The following METTL9 variants were observed in gnomAD, a reference collection of about 807,000 sequenced individuals.
The protein encoded by METTL9 is protein-L-histidine N-pros-methyltransferase.
Under a neutral mutation model 36.0 loss-of-function variants are expected in METTL9, and 10 were observed. The observed-to-expected ratio is 0.28, with a 90% CI of 0.17 to 0.47. The LOEUF (loss-of-function observed/expected upper bound fraction) is 0.47. METTL9 is among the 20% of genes least tolerant of loss of function. METTL9 has a pLI of 0.99. For synonymous variants in METTL9, 175 were observed against 149.7 expected (o/e 1.17, Z -1.23); for missense variants, 246 against 383.5 (o/e 0.64, Z 3.00).
chr16:21,610,017 A>T (rs929467174), intron 1 of METTL9, among the ~76,000 whole-genome samples: 168 of 152,102 alleles, frequency 1.1e-3, no homozygotes, highest in Non-Finnish European at 1.0e-4. Flanking sequence ...CATGAAATTT[A>T]TCCTTTTAAA....
chr16:21,599,720 G>T lies in METTL9; in HGVS notation c.-14G>T, dbSNP rs749957002. 38 of 1,486,252 alleles carry T rather than the reference G, an allele frequency of 2.6e-5. No homozygotes were observed. The highest frequency in any genetic ancestry group is 1.8e-4 in the South Asian group (14 of 78,704). The allele number at this position is 1,486,252 out of a possible 1,614,324, so 92.1% of individuals were successfully genotyped here. A position where few individuals can be genotyped will look rare whatever the true frequency, so the allele number is the denominator to read the frequency against. ...GGCGCCGGCGGTGATCCGAGCGAGC[G>T]GCCGCGGCCCCCGATGAGACTGCTG... On this transcript the variant is annotated 5_prime_UTR_variant, in exon 1 of 5. Coordinates refer to ENST00000358154, the MANE Select transcript of METTL9 (RefSeq NM_016025.5). The surrounding 1 kb of genome is among the most constrained non-coding windows in gnomAD (Gnocchi z 4.4).
intron 1 of METTL9, among the ~76,000 whole-genome samples, chr16:21,605,292 T>G (rs1174404271): frequency 9.9e-6 from 1 of 100,588 alleles, no homozygotes; most frequent in African/African-American, 3.8e-5. Flanking sequence ...TTTTTTTTTT[T>G]TTTTGAGAAA....
chr16:21,655,522 C>A lies in METTL9; in HGVS notation c.*90C>A. ...TGTTCACAATTACGTGAAGGGAGGA[C>A]CCTTGGGGACCGCCATTCTAAATAT... On this transcript the variant is annotated 3_prime_UTR_variant, in exon 5 of 5. Coordinates refer to ENST00000358154, the MANE Select transcript of METTL9 (RefSeq NM_016025.5). 1 of 1,060,092 alleles carries A rather than the reference C, an allele frequency of 9.4e-7. No individual in the cohort carries two copies. The highest frequency in any genetic ancestry group is 1.4e-6 in the Non-Finnish European group (1 of 725,360). 65.7% of individuals were successfully genotyped at this position (1,060,092 alleles called of 1,614,324 possible).
At chr16:21,616,864 G>A (rs1306388613) in intron 2 of METTL9, among the ~76,000 whole-genome samples, 4 of 151,978 alleles carry the variant, frequency 2.6e-5, no homozygotes, top group Non-Finnish European at 5.9e-5. Flanking sequence ...GTCTGGCTGT[G>A]TTAGCTTGTC....
At chr16:21,630,755 G>A (rs1223073543) in intron 4 of METTL9, among the ~76,000 whole-genome samples, 1 of 152,106 alleles carries the variant, frequency 6.6e-6, no homozygotes, top group Non-Finnish European at 1.5e-5. Flanking sequence ...CCATTCTAGA[G>A]GAAACAAATT....
At chr16:21,631,778 C>A (rs1382239272) in intron 4 of METTL9, among the ~76,000 whole-genome samples, 2 of 152,186 alleles carry the variant, frequency 1.3e-5, no homozygotes, top group Non-Finnish European at 2.9e-5. Context: ...TTTACACTGA[C>A]AACAAGGTGG....
chr16:21,605,525 G>A (rs1284845125), intron 1 of METTL9, among the ~76,000 whole-genome samples: 2 of 151,772 alleles, frequency 1.3e-5, no homozygotes, highest in Non-Finnish European at 2.9e-5. Flanking sequence ...GATTACAGGC[G>A]TGAGCCACTG....
At chr16:21,625,431 C>T (rs1965795211) in intron 4 of METTL9, among the ~76,000 whole-genome samples, 1 of 152,168 alleles carries the variant, frequency 6.6e-6, no homozygotes, top group Non-Finnish European at 1.5e-5. Flanking sequence ...ATTAGCTTTA[C>T]AACTGAATCG....
chr16:21,597,695 A>G (rs1485322479), upstream of METTL9, among the ~76,000 whole-genome samples: 2 of 151,988 alleles, frequency 1.3e-5, no homozygotes, highest in African/African-American at 2.4e-5. Flanking sequence ...TGCTGCTTTC[A>G]CCCCCACTTT....
upstream of METTL9, chr16:21,599,458 CG>C (rs1965035106): frequency 8.6e-7 from 1 of 1,156,386 alleles, no homozygotes; most frequent in Non-Finnish European, 1.1e-6. The surrounding 1 kb of genome is among the most constrained non-coding windows in gnomAD (Gnocchi z 4.4). Context: ...GGGAGGGCGC[CG>C]GGGGAGAAAG....
intron 4 of METTL9, among the ~76,000 whole-genome samples, chr16:21,637,709 C>T (rs368716844): frequency 9.9e-5 from 15 of 152,242 alleles, no homozygotes; most frequent in Non-Finnish European, 1.8e-4. Context: ...GGCCCGCGTG[C>T]GCTGCGCGCA....
intron 4 of METTL9, among the ~76,000 whole-genome samples, chr16:21,628,154 C>T (rs1049884236): frequency 4.6e-5 from 7 of 152,000 alleles, no homozygotes; most frequent in Non-Finnish European, 1.0e-4. Flanking sequence ...TAGTTCTTAC[C>T]AGCACATATG....
chr16:21,609,956 G>GGT lies in METTL9; in HGVS notation c.166-2676_166-2675dup, dbSNP rs200556844. Among the ~76,000 whole-genome samples, 376 of 151,802 alleles carry GGT rather than the reference G, an allele frequency of 2.5e-3. 2 individuals are homozygous for GGT. In the East Asian group the frequency reaches 0.043, roughly 17 times the overall value. Reference sequence around the variant, plus strand: ...ACTGCCACCTGCATATTTAGGGAGGGGTGTGTGTGTGTGTTTAAAAAACAG... The same window carrying GGT: ...ACTGCCACCTGCATATTTAGGGAGGGGTGTGTGTGTGTGTGTTTAAAAAACAG... On this transcript the variant is annotated intron_variant, in intron 1 of 4. Coordinates refer to ENST00000358154, the MANE Select transcript of METTL9 (RefSeq NM_016025.5).
chr16:21,620,511 C>T (rs1965668485), intron 3 of METTL9, among the ~76,000 whole-genome samples: 1 of 152,178 alleles, frequency 6.6e-6, no homozygotes, highest in South Asian at 2.1e-4. Context: ...TGATTGACCG[C>T]CCCAGCCTTC....
In METTL9 at chr16:21,656,385, C is replaced by T. The variant is rs1438261151; in HGVS notation, c.*953C>T. ...TCTTACTCTACACTTATATACCTCT[C>T]TCCCAGAGCTTGGCTCTTCCCTGAA... On this transcript the variant is annotated 3_prime_UTR_variant, in exon 5 of 5. Coordinates refer to ENST00000358154, the MANE Select transcript of METTL9 (RefSeq NM_016025.5). 6.6e-6 allele frequency: 1 copy of T among 152,176 alleles called. No individual in the cohort carries two copies. The highest frequency in any genetic ancestry group is 1.5e-5 in the Non-Finnish European group (1 of 68,038). 9.4% of individuals were successfully genotyped at this position (152,176 alleles called of 1,614,324 possible). A position where few individuals can be genotyped will look rare whatever the true frequency, so the allele number is the denominator to read the frequency against.
chr16:21,636,584 C>T, intron 4 of METTL9, among the ~76,000 whole-genome samples: 1 of 152,182 alleles, frequency 6.6e-6, no homozygotes, highest in South Asian at 2.1e-4. Context: ...CTGCTCATGG[C>T]CGCAGGGTCA....
intron 1 of METTL9, among the ~76,000 whole-genome samples, chr16:21,603,081 G>A (rs1160258127): frequency 3.9e-5 from 6 of 151,990 alleles, no homozygotes; most frequent in Admixed American, 3.3e-4. Flanking sequence ...CATTTACTAC[G>A]TGGCTTCTTA....
chr16:21,600,485 A>G (rs1965092700), intron 1 of METTL9, among the ~76,000 whole-genome samples: 1 of 152,150 alleles, frequency 6.6e-6, no homozygotes, highest in South Asian at 2.1e-4. Context: ...CTCCCATCCT[A>G]CGGAACCTTC....
At chr16:21,614,606 T>C (rs1214888994) in intron 2 of METTL9, among the ~76,000 whole-genome samples, 1 of 152,200 alleles carries the variant, frequency 6.6e-6, no homozygotes, top group African/African-American at 2.4e-5. Context: ...CCATCAGTAC[T>C]TTCCGGTCAT....
Sources: gnomAD v4.1 joint callset for allele counts (sites outside exome capture counted in the v4.1 genomes callset) on GRCh38, gnomAD v4.1.1 for gene constraint, Gnocchi (gnomAD v3.1) non-coding constraint, MANE v1.5 for transcripts, NCBI Gene and HGNC (gene_info 2026-07-23, HGNC 2026-07-21) for gene names.